Variants in SORCS3 observed in about 807,000 individuals in gnomAD.
SORCS3 encodes VPS10 domain-containing receptor SorCS3.
In SORCS3, 57 loss-of-function variants were observed where a neutral mutation model predicts 146.3. The ratio of observed to expected loss-of-function variants is 0.39; its 90% CI spans 0.31 to 0.49. The LOEUF (loss-of-function observed/expected upper bound fraction) is 0.49. SORCS3 is among the 20% of genes least tolerant of loss of function. SORCS3 has a pLI of 0.92. For missense variants in SORCS3, 1,341 were observed against 1,575.5 expected (o/e 0.85, Z 2.52); for synonymous variants, 653 against 618.5 (o/e 1.06, Z -0.83).
intron 7 of SORCS3, among the ~76,000 whole-genome samples, chr10:105,120,962 G>C (rs1188348703): frequency 6.6e-6 from 1 of 152,112 alleles, no homozygotes; most frequent in African/African-American, 2.4e-5. Flanking sequence ...TTGCAAGAAG[G>C]GTGGCACTCA....
chr10:104,780,060 AG>A (rs994930830), intron 1 of SORCS3, among the ~76,000 whole-genome samples: 2 of 150,966 alleles, frequency 1.3e-5, no homozygotes, highest in Non-Finnish European at 2.9e-5. Flanking sequence ...GGGCAGGAGT[AG>A]GGGTGACGGG....
chr10:104,956,655 T>G (rs1233203614), intron 3 of SORCS3, among the ~76,000 whole-genome samples: 2 of 152,192 alleles, frequency 1.3e-5, no homozygotes, highest in South Asian at 4.2e-4. Context: ...GTCAAGGAGT[T>G]AATAGATGAT....
chr10:104,683,125 A>G (rs2015999561), intron 1 of SORCS3, among the ~76,000 whole-genome samples: 2 of 152,230 alleles, frequency 1.3e-5, no homozygotes, highest in Admixed American at 6.5e-5. Context: ...AACCTGGTGC[A>G]TCCCCAGCCA....
At chr10:104,726,344 G>C (rs1245029471) in intron 1 of SORCS3, among the ~76,000 whole-genome samples, 1 of 152,186 alleles carries the variant, frequency 6.6e-6, no homozygotes, top group Non-Finnish European at 1.5e-5. Flanking sequence ...GAGGGCACTT[G>C]TTTGTAAATG....
chr10:104,836,182 C>T (rs1303117773), intron 1 of SORCS3, among the ~76,000 whole-genome samples: 1 of 152,130 alleles, frequency 6.6e-6, no homozygotes, highest in Non-Finnish European at 1.5e-5. Context: ...AGTGTGGGCA[C>T]TTCCTCTCAC....
chr10:104,876,605 G>A (rs1352653), intron 2 of SORCS3, among the ~76,000 whole-genome samples: 109,410 of 151,924 alleles, frequency 0.72, 39,835 homozygotes, highest in East Asian at 0.88. Flanking sequence ...GACCCTTGTT[G>A]ACTGTAGAAT....
At chr10:104,898,811 A>C (rs2018823672) in intron 2 of SORCS3, among the ~76,000 whole-genome samples, 1 of 152,344 alleles carries the variant, frequency 6.6e-6, no homozygotes, top group East Asian at 1.9e-4. Flanking sequence ...AAAGCACTGC[A>C]TAGAACAGAG....
intron 1 of SORCS3, among the ~76,000 whole-genome samples, chr10:104,675,618 G>T (rs952396984): frequency 2.0e-5 from 3 of 152,114 alleles, no homozygotes; most frequent in South Asian, 4.1e-4. Context: ...TAGAACTCCA[G>T]ATGGCCCAGC....
rs191743022 is a variant in SORCS3 at position 104,791,419 on chromosome 10, G to C, written c.628-51373G>C. 3.9e-4 allele frequency among the ~76,000 whole-genome samples: 60 copies of C among 152,302 alleles called. 1 individual carries two copies. The highest frequency in any genetic ancestry group is 1.9e-3 in the Admixed American group (29 of 15,294). On this transcript the variant is annotated intron_variant, in intron 1 of 26. Transcript: ENST00000369701. ...GGAAGATAACTTAGGAAGCTGTCGG[G>C]TTCAGCCTTTATGCAAGTAAGATAT...
intron 7 of SORCS3, among the ~76,000 whole-genome samples, chr10:105,123,009 G>C (rs1490540354): frequency 6.6e-6 from 1 of 152,192 alleles, no homozygotes; most frequent in Non-Finnish European, 1.5e-5. Context: ...CAGTTTCCTT[G>C]TGGCAAAATG....
chr10:105,213,330 A>G (rs1213209043), intron 17 of SORCS3, among the ~76,000 whole-genome samples: 5 of 152,224 alleles, frequency 3.3e-5, no homozygotes, highest in Non-Finnish European at 5.9e-5. Context: ...GAAGACTAAT[A>G]TCTTTCAAAA....
chr10:105,249,166 G>A (rs1289353164), intron 22 of SORCS3, among the ~76,000 whole-genome samples: 2 of 152,218 alleles, frequency 1.3e-5, no homozygotes, highest in African/African-American at 2.4e-5. Flanking sequence ...GAGCCAGTAG[G>A]AGATGGCCTT....
intron 1 of SORCS3, among the ~76,000 whole-genome samples, chr10:104,750,162 A>G (rs542388028): frequency 4.2e-4 from 64 of 152,160 alleles, no homozygotes; most frequent in Non-Finnish European, 7.8e-4. Flanking sequence ...ACCCAGGGAA[A>G]GATTATAGAA....
At chr10:105,122,368 C>T (rs1313269067) in intron 7 of SORCS3, among the ~76,000 whole-genome samples, 2 of 152,044 alleles carry the variant, frequency 1.3e-5, no homozygotes, top group East Asian at 3.9e-4. Flanking sequence ...ATTCTGAAAC[C>T]CCCTCATGGT....
intron 6 of SORCS3, among the ~76,000 whole-genome samples, chr10:105,103,210 G>A (rs771417471): frequency 1.6e-4 from 24 of 152,200 alleles, no homozygotes; most frequent in Non-Finnish European, 2.4e-4. Context: ...TGTAGTCTCC[G>A]CTGCTCCTCA....
At chr10:104,983,093 C>T (rs1029900222) in intron 4 of SORCS3, among the ~76,000 whole-genome samples, 10 of 151,970 alleles carry the variant, frequency 6.6e-5, no homozygotes, top group Admixed American at 3.3e-4. Context: ...TCCATCTCCT[C>T]GATTCAAGCG....
intron 4 of SORCS3, among the ~76,000 whole-genome samples, chr10:104,979,412 T>C (rs2054920181): frequency 6.6e-6 from 1 of 152,202 alleles, no homozygotes; most frequent in South Asian, 2.1e-4. Context: ...GTGGAATCAA[T>C]CAGTGAAAGG....
intron 4 of SORCS3, among the ~76,000 whole-genome samples, chr10:105,039,093 C>T (rs1359700161): frequency 6.6e-6 from 1 of 152,108 alleles, no homozygotes; most frequent in Non-Finnish European, 1.5e-5. Flanking sequence ...GCTCTTAGTT[C>T]AGTTCCTAGA....
chr10:105,249,193 G>A (rs1399675077), intron 22 of SORCS3, among the ~76,000 whole-genome samples: 1 of 152,188 alleles, frequency 6.6e-6, no homozygotes, highest in Admixed American at 6.5e-5. Context: ...ATCAAGATGG[G>A]GACTATGTAG....
Sources: allele counts gnomAD v4.1 joint callset (sites outside exome capture counted in the v4.1 genomes callset), GRCh38; gene constraint gnomAD v4.1.1; transcripts MANE v1.5; gene names NCBI Gene and HGNC (gene_info 2026-07-23, HGNC 2026-07-21).